DPH6: variants seen among roughly 807,000 people sequenced by gnomAD.
DPH6 encodes the protein diphthine--ammonia ligase.
In DPH6, 33 loss-of-function variants were observed where a neutral mutation model predicts 38.2. That is an observed-to-expected ratio of 0.86 (90% confidence interval 0.65 to 1.15). DPH6 has a LOEUF of 1.15. Ranked by LOEUF, DPH6 falls within the 50% of genes most tolerant of loss-of-function variation. DPH6 has a pLI of 0.00. For missense variants in DPH6, 325 were observed against 320.0 expected, an observed-to-expected ratio of 1.02 and a Z score of -0.12; for synonymous variants, 108 against 103.0, an observed-to-expected ratio of 1.05 and a Z score of -0.30.
At chr15:35,201,051 G>A in the DPH6 span, among the ~76,000 whole-genome samples, 3 of 130,910 alleles carry the variant, frequency 2.3e-5, no homozygotes, top group African/African-American at 8.7e-5. Context: ...TTTTCCATGT[G>A]CATATGTATA....
chr15:35,315,142 G>A (rs1198732732), intron 3 of DPH6, among the ~76,000 whole-genome samples: 1 of 152,086 alleles, frequency 6.6e-6, no homozygotes, highest in Admixed American at 6.6e-5. Flanking sequence ...ACCTCATGTC[G>A]CACAACCAAC....
At chr15:35,196,526 C>T in the DPH6 span, among the ~76,000 whole-genome samples, 22 of 152,204 alleles carry the variant, frequency 1.4e-4, no homozygotes, top group Middle Eastern at 6.8e-3. Context: ...AAGGCTTGAG[C>T]GTAAGGTACG....
Position 35,430,867 on chromosome 15 carries a change from C to T in DPH6, c.505+19818G>A, listed in dbSNP as rs867162252. Among the ~76,000 whole-genome samples the T allele has an allele frequency of 1.0e-3, 159 of 152,040 alleles. 1 individual carries two copies. In the Middle Eastern group the frequency reaches 0.014, roughly 13 times the overall value. On this transcript the variant is annotated intron_variant, in intron 5 of 8. Transcript: ENST00000256538. ...CTGAAATATCTTTAATGTGACAATG[C>T]AAATAAAAATGTGAAATTACAAGTA...
chr15:35,522,345 G>A, intron 3 of DPH6: 1 of 1,506,144 alleles, frequency 6.6e-7, no homozygotes, highest in Non-Finnish European at 9.0e-7. Flanking sequence ...AAGCCCTGAG[G>A]CTGGATTACC....
At chr15:35,532,351 T>G (rs1437484464) in intron 3 of DPH6, among the ~76,000 whole-genome samples, 1 of 152,136 alleles carries the variant, frequency 6.6e-6, no homozygotes, top group Non-Finnish European at 1.5e-5. Context: ...TGAAGGCAAG[T>G]TGATTAGGAG....
At chr15:35,350,720 C>T (rs567129838) in intron 3 of DPH6, among the ~76,000 whole-genome samples, 1 of 152,218 alleles carries the variant, frequency 6.6e-6, no homozygotes, top group Non-Finnish European at 1.5e-5. Flanking sequence ...GTATTAATTT[C>T]CACATATTTA....
At chr15:35,418,118 GAC>G (rs1478315129) in intron 5 of DPH6, among the ~76,000 whole-genome samples, 1 of 152,014 alleles carries the variant, frequency 6.6e-6, no homozygotes, top group African/African-American at 2.4e-5. Context: ...GTCGTGAACA[GAC>G]ACAAACTGTG....
intron 3 of DPH6, among the ~76,000 whole-genome samples, chr15:35,294,925 C>T (rs1279318183): frequency 6.6e-6 from 1 of 152,180 alleles, no homozygotes; most frequent in East Asian, 1.9e-4. Flanking sequence ...TGCAAAGGTC[C>T]TGTTGCATGG....
At chr15:35,481,952 A>T (rs779770674) in intron 3 of DPH6, among the ~76,000 whole-genome samples, 13 of 152,194 alleles carry the variant, frequency 8.5e-5, no homozygotes, top group Non-Finnish European at 1.5e-4. Flanking sequence ...CAACTATCTC[A>T]AGGATCTGGA....
At chr15:35,275,274 T>A (rs2051850223) in intron 3 of DPH6, among the ~76,000 whole-genome samples, 1 of 152,122 alleles carries the variant, frequency 6.6e-6, no homozygotes, top group Non-Finnish European at 1.5e-5. Context: ...CAGCACTATT[T>A]ACAATAGCAA....
chr15:35,362,053 C>T (rs2052618750), intron 3 of DPH6, among the ~76,000 whole-genome samples: 1 of 152,052 alleles, frequency 6.6e-6, no homozygotes, highest in Admixed American at 6.6e-5. Flanking sequence ...GCAAATGTCT[C>T]TTCCAATCTT....
chr15:35,459,801 A>C (rs553256695), intron 3 of DPH6, among the ~76,000 whole-genome samples: 1 of 152,348 alleles, frequency 6.6e-6, no homozygotes, highest in Non-Finnish European at 1.5e-5. Flanking sequence ...ACAAATATAC[A>C]GAAAATTTTG....
At chr15:35,239,573 TA>T (rs565078093) in intron 3 of DPH6, among the ~76,000 whole-genome samples, 5,097 of 142,750 alleles carry the variant, frequency 0.036, 750 homozygotes, top group African/African-American at 0.12. Context: ...TCCTTGTCTC[TA>T]CCCCTTCTCT....
At chr15:35,307,977 AATAAAAAC>A (rs962390317) in intron 3 of DPH6, among the ~76,000 whole-genome samples, 7 of 152,202 alleles carry the variant, frequency 4.6e-5, no homozygotes, top group African/African-American at 1.2e-4. Context: ...CCTCTGAGGA[AATAAAAAC>A]TTCTGGTCAG....
At chr15:35,356,739 C>T (rs318353) in intron 3 of DPH6, among the ~76,000 whole-genome samples, 3,112 of 152,298 alleles carry the variant, frequency 0.02, 101 homozygotes, top group African/African-American at 0.069. Flanking sequence ...CAGGGACCCA[C>T]TTGAGGAGGC....
the DPH6 span, among the ~76,000 whole-genome samples, chr15:35,180,417 A>T: frequency 1.0e-5 from 1 of 99,208 alleles, no homozygotes; most frequent in Non-Finnish European, 2.4e-5. Flanking sequence ...ACACACACAC[A>T]CACACACACA....
intron 3 of DPH6, among the ~76,000 whole-genome samples, chr15:35,338,550 G>T (rs2052393943): frequency 6.6e-6 from 1 of 152,134 alleles, no homozygotes; most frequent in African/African-American, 2.4e-5. Flanking sequence ...TGGAGAGGAT[G>T]TGGAGAAATA....
At chr15:35,481,517 C>T (rs1321285009) in intron 3 of DPH6, among the ~76,000 whole-genome samples, 4 of 152,022 alleles carry the variant, frequency 2.6e-5, no homozygotes, top group African/African-American at 7.2e-5. Context: ...TGTGAGATAT[C>T]TGTAAAACAA....
chr15:35,365,655 AT>A (rs2052651885), intron 3 of DPH6, among the ~76,000 whole-genome samples: 1 of 152,042 alleles, frequency 6.6e-6, no homozygotes, highest in Admixed American at 6.6e-5. Flanking sequence ...TCTTACATAG[AT>A]TTAGGCTTCA....
Sources: allele counts gnomAD v4.1 joint callset (sites outside exome capture counted in the v4.1 genomes callset), GRCh38; gene constraint gnomAD v4.1.1; transcripts MANE v1.5; gene names NCBI Gene and HGNC (gene_info 2026-07-23, HGNC 2026-07-21).